OPCML: variants seen among roughly 807,000 people sequenced by gnomAD.
OPCML encodes opioid binding protein/cell adhesion molecule like, also known as opioid-binding protein/cell adhesion molecule.
Under a neutral mutation model 37.8 loss-of-function variants are expected in OPCML, and 13 were observed. The observed-to-expected ratio is 0.34, with a 90% CI of 0.22 to 0.55. The LOEUF is 0.55. Among genes scored for constraint, OPCML ranks in the 20% least tolerant of loss-of-function variants. The probability of loss-of-function intolerance (pLI) is 0.91; values close to 1 mark genes in which losing one functional copy is unlikely to be tolerated. For synonymous variants in OPCML, 176 were observed against 168.8 expected (o/e 1.04, Z -0.33); for missense variants, 341 against 435.6 (o/e 0.78, Z 1.93).
chr11:132,571,324 C>T (rs1486522238), intron 3 of OPCML, among the ~76,000 whole-genome samples: 1 of 152,128 alleles, frequency 6.6e-6, no homozygotes, highest in Non-Finnish European at 1.5e-5. Context: ...TGTCAGACGG[C>T]CTATCATGGG....
intron 3 of OPCML, among the ~76,000 whole-genome samples, chr11:132,647,983 CG>C (rs1261775417): frequency 6.6e-6 from 1 of 152,152 alleles, no homozygotes; most frequent in East Asian, 1.9e-4. Context: ...CAGTTACTTT[CG>C]TCAAGGCACT....
chr11:133,137,080 G>A (rs921078735), intron 1 of OPCML, among the ~76,000 whole-genome samples: 3 of 152,248 alleles, frequency 2.0e-5, no homozygotes, highest in East Asian at 3.9e-4. Flanking sequence ...TTTTCTCATC[G>A]CTGGTTTAGC....
intron 1 of OPCML, among the ~76,000 whole-genome samples, chr11:133,308,736 A>G (rs1287046996): frequency 6.6e-6 from 1 of 152,194 alleles, no homozygotes; most frequent in African/African-American, 2.4e-5. Context: ...ATCAATACAG[A>G]TAACAAGGCC....
At chr11:133,155,304 C>T (rs890810454) in intron 1 of OPCML, among the ~76,000 whole-genome samples, 8 of 152,068 alleles carry the variant, frequency 5.3e-5, no homozygotes, top group Non-Finnish European at 1.2e-4. Context: ...CCCTTCATTC[C>T]GTCTATCATC....
At chr11:133,152,484 G>A (rs958926443) in intron 1 of OPCML, among the ~76,000 whole-genome samples, 4 of 151,930 alleles carry the variant, frequency 2.6e-5, no homozygotes, top group Admixed American at 6.6e-5. Flanking sequence ...TCTAATTGCC[G>A]GCCTCTTTCA....
At chr11:132,497,442 T>C (rs540944225) in intron 4 of OPCML, among the ~76,000 whole-genome samples, 1 of 149,778 alleles carries the variant, frequency 6.7e-6, no homozygotes, top group African/African-American at 2.5e-5. Context: ...AAAAATGCTA[T>C]GGAAAAATTA....
rs1353012222 is a variant in OPCML at position 133,206,677 on chromosome 11, T to C, written c.62-263667A>G. On this transcript the variant is annotated intron_variant, in intron 1 of 7. Transcript: ENST00000524381. This position sits in a 1 kb window ranked among gnomAD's most constrained non-coding sequence, Gnocchi z 4.7. ...CCGAGCAAAGGCTGTGCTCTCCTGCTCGATGAAGCTTCTATCTGTGTATCC... is the reference window on the plus strand; with the variant it reads ...CCGAGCAAAGGCTGTGCTCTCCTGCCCGATGAAGCTTCTATCTGTGTATCC... 6.6e-6 allele frequency among the ~76,000 whole-genome samples: 1 copy of C among 152,206 alleles called. No homozygotes were observed. The highest frequency in any genetic ancestry group is 1.5e-5 in the Non-Finnish European group (1 of 68,040).
chr11:132,684,563 T>C (rs1207895756), intron 2 of OPCML, among the ~76,000 whole-genome samples: 1 of 152,212 alleles, frequency 6.6e-6, no homozygotes, highest in Non-Finnish European at 1.5e-5. Flanking sequence ...TATATTTTTC[T>C]ACCTCAATAG....
intron 3 of OPCML, among the ~76,000 whole-genome samples, chr11:132,613,864 A>G (rs1938819935): frequency 6.6e-6 from 1 of 152,096 alleles, no homozygotes; most frequent in Non-Finnish European, 1.5e-5. Context: ...CATGGAATGA[A>G]CAAAAGAGTC....
intron 1 of OPCML, among the ~76,000 whole-genome samples, chr11:133,286,350 G>A (rs1254798062): frequency 6.6e-6 from 1 of 151,648 alleles, no homozygotes; most frequent in Non-Finnish European, 1.5e-5. Context: ...GGCGCCTATA[G>A]TCCCAGCTAC....
chr11:132,894,815 A>ACCC (rs1005323630), intron 2 of OPCML, among the ~76,000 whole-genome samples: 2 of 152,000 alleles, frequency 1.3e-5, no homozygotes, highest in South Asian at 4.2e-4. Flanking sequence ...TACACCAGCA[A>ACCC]CCCCCACTCC....
At chr11:133,354,373 G>GA (rs1206952499) in intron 1 of OPCML, among the ~76,000 whole-genome samples, 1 of 31,360 alleles carries the variant, frequency 3.2e-5, no homozygotes, top group African/African-American at 1.3e-4. Flanking sequence ...AAAGGAAGAA[G>GA]AAAAATACGA....
At chr11:132,424,645 C>T (rs1039411335) in intron 7 of OPCML, among the ~76,000 whole-genome samples, 2 of 152,168 alleles carry the variant, frequency 1.3e-5, no homozygotes, top group African/African-American at 4.8e-5. Flanking sequence ...GATTTAAATT[C>T]TGACCCTGTG....
chr11:132,687,553 A>T (rs1943220409), intron 2 of OPCML, among the ~76,000 whole-genome samples: 1 of 151,198 alleles, frequency 6.6e-6, no homozygotes, highest in South Asian at 2.1e-4. Context: ...TTATTTTTTA[A>T]AATATCTTTC....
chr11:132,492,430 C>T lies in OPCML; in HGVS notation c.505+36631G>A, dbSNP rs80276041. The stretch of plus-strand genomic sequence containing the variant: ...ATCTGCTGATGTATGGGGTATAGGG[C>T]GCGAGAGAAAGAGTGGAATCAAGGA... On this transcript the variant is annotated intron_variant, in intron 4 of 7. Transcript: ENST00000524381. Among the ~76,000 whole-genome samples, 196 of 151,918 alleles carry T rather than the reference C, an allele frequency of 1.3e-3. 2 individuals carry two copies. In the East Asian group the frequency reaches 0.017, roughly 13 times the overall value.
chr11:133,153,238 TG>T (rs1169966188), intron 1 of OPCML, among the ~76,000 whole-genome samples: 3 of 151,922 alleles, frequency 2.0e-5, no homozygotes, highest in Non-Finnish European at 4.4e-5. Flanking sequence ...TCTCGGAAGA[TG>T]GGGGAGGTGG....
At chr11:132,599,553 C>T (rs948978291) in intron 3 of OPCML, among the ~76,000 whole-genome samples, 3 of 152,118 alleles carry the variant, frequency 2.0e-5, no homozygotes, top group Non-Finnish European at 2.9e-5. Flanking sequence ...CTCCAAATGG[C>T]AGGCTCACAT....
At chr11:133,038,382 A>T (rs1181550310) in intron 1 of OPCML, among the ~76,000 whole-genome samples, 1 of 152,208 alleles carries the variant, frequency 6.6e-6, no homozygotes, top group South Asian at 2.1e-4. Flanking sequence ...TTTATCTATA[A>T]AATGTGGGAA....
chr11:132,863,823 T>C (rs929821068), intron 2 of OPCML, among the ~76,000 whole-genome samples: 1 of 152,242 alleles, frequency 6.6e-6, no homozygotes, highest in Non-Finnish European at 1.5e-5. Flanking sequence ...CATTAGATCA[T>C]GACCTTTGCG....
Sources: allele counts gnomAD v4.1 joint callset (sites outside exome capture counted in the v4.1 genomes callset), GRCh38; gene constraint gnomAD v4.1.1; non-coding constraint Gnocchi (gnomAD v3.1); transcripts MANE v1.5; gene names NCBI Gene and HGNC (gene_info 2026-07-23, HGNC 2026-07-21).